Variants in IGF2BP2 observed in about 807,000 individuals in gnomAD.
IGF2BP2 encodes insulin like growth factor 2 mRNA binding protein 2, also known as insulin-like growth factor 2 mRNA-binding protein 2.
IGF2BP2 carries 17 observed loss-of-function variants against 75.8 expected under a neutral mutation model. The observed-to-expected ratio is 0.22, with a 90% CI of 0.15 to 0.34. IGF2BP2 has a LOEUF of 0.34. Ranked by LOEUF, IGF2BP2 falls within the 10% of genes least tolerant of loss-of-function variation. The pLI is 1.00. For missense variants in IGF2BP2, 516 were observed against 772.4 expected, an observed-to-expected ratio of 0.67 and a Z score of 3.93; for synonymous variants, 288 against 295.6, an observed-to-expected ratio of 0.97 and a Z score of 0.26.
chr3:185,649,261 G>T, intron 14 of IGF2BP2, 142 bp downstream of exon 14: 1 of 1,120,910 alleles, frequency 8.9e-7, no homozygotes, highest in Non-Finnish European at 1.3e-6. Flanking sequence ...GGGCTCAGAT[G>T]CCAGGAGAGC....
At chr3:185,649,336 G>C (rs77247478) in intron 14 of IGF2BP2, 67 bp downstream of exon 14, 16 of 1,584,278 alleles carry the variant, frequency 1.0e-5, no homozygotes, top group Non-Finnish European at 1.1e-5. Flanking sequence ...GGAGACTGAG[G>C]GAACTCAGGC....
intron 10 of IGF2BP2, among the ~76,000 whole-genome samples, chr3:185,671,598 T>C (rs1401107613): frequency 6.6e-6 from 1 of 151,324 alleles, no homozygotes; most frequent in African/African-American, 2.4e-5. Context: ...TAAGCAAGAA[T>C]GCAGAATGTG....
intron 2 of IGF2BP2, among the ~76,000 whole-genome samples, chr3:185,815,876 T>A (rs1740535698): frequency 6.6e-6 from 1 of 152,210 alleles, no homozygotes. Context: ...TTATTTAGCA[T>A]ATTTTTTTGT....
intron 10 of IGF2BP2, among the ~76,000 whole-genome samples, chr3:185,671,535 C>CA (rs397706922): frequency 0.37 from 32,437 of 88,198 alleles, 4,463 homozygotes; most frequent in South Asian, 0.47. Context: ...GACTCCATCT[C>CA]AAAAAAAAAA....
chr3:185,794,031 C>T (rs7625285), intron 2 of IGF2BP2, among the ~76,000 whole-genome samples: 334 of 149,808 alleles, frequency 2.2e-3, no homozygotes, highest in African/African-American at 7.9e-3. Context: ...CAAACAAACT[C>T]ACTGCAGTCT....
At chr3:185,717,685 G>A (rs933034597) in intron 2 of IGF2BP2, 5 of 152,234 alleles carry the variant, frequency 3.3e-5, no homozygotes, top group East Asian at 1.9e-4. Context: ...GCTTTGAAAC[G>A]ATACAAAATT....
chr3:185,800,378 T>C (rs1485180489), intron 2 of IGF2BP2, among the ~76,000 whole-genome samples: 1 of 152,062 alleles, frequency 6.6e-6, no homozygotes, highest in Non-Finnish European at 1.5e-5. Flanking sequence ...TGTATACCCA[T>C]GTAACAAACC....
rs140012570 is a variant in IGF2BP2 at position 185,762,255 on chromosome 3, C to T, written c.239+60898G>A. On this transcript the variant is annotated intron_variant, in intron 2 of 15. Coordinates refer to ENST00000382199, the MANE Select transcript of IGF2BP2 (RefSeq NM_006548.6). ...GAAAAATACAAAAATTAGCCAGGCA[C>T]GGTGGCTCACACCTGTAATCCTAGC... is the stretch of plus-strand genomic sequence containing the variant. Among the ~76,000 whole-genome samples the T allele has an allele frequency of 1.4e-3, 214 of 150,980 alleles. 1 individual carries two copies. The highest frequency in any genetic ancestry group is 2.3e-3 in the Non-Finnish European group (156 of 67,812).
At chr3:185,810,602 C>A (rs1310012270) in intron 2 of IGF2BP2, among the ~76,000 whole-genome samples, 1 of 152,024 alleles carries the variant, frequency 6.6e-6, no homozygotes, top group Admixed American at 6.6e-5. Context: ...GGCGAAACCC[C>A]ATCTCTACTA....
chr3:185,753,797 C>T (rs1007376692), intron 2 of IGF2BP2, among the ~76,000 whole-genome samples: 4 of 152,060 alleles, frequency 2.6e-5, no homozygotes, highest in Non-Finnish European at 5.9e-5. Flanking sequence ...GGAGGTGGGG[C>T]CTGGTGGGAG....
At chr3:185,795,759 G>C (rs567627448) in intron 2 of IGF2BP2, among the ~76,000 whole-genome samples, 31 of 152,152 alleles carry the variant, frequency 2.0e-4, no homozygotes, top group African/African-American at 7.2e-4. Context: ...CGCAGTCCCA[G>C]CCTGTAGTCC....
intron 2 of IGF2BP2, among the ~76,000 whole-genome samples, chr3:185,739,110 T>C (rs1027132174): frequency 6.6e-6 from 1 of 152,240 alleles, no homozygotes; most frequent in Non-Finnish European, 1.5e-5. Context: ...TGGTGGCATA[T>C]ATAAATATCC....
chr3:185,726,162 T>C (rs938295297), intron 2 of IGF2BP2, among the ~76,000 whole-genome samples: 1 of 152,062 alleles, frequency 6.6e-6, no homozygotes, highest in Non-Finnish European at 1.5e-5. Flanking sequence ...AAAGGTGCGA[T>C]CATCATTAGT....
At chr3:185,712,710 AT>A (rs1724985937) in intron 2 of IGF2BP2, 1 of 151,800 alleles carries the variant, frequency 6.6e-6, no homozygotes, top group Admixed American at 6.6e-5. Context: ...TAGGCTACAA[AT>A]AGATGCTGAA....
chr3:185,744,633 C>T (rs958257223), intron 2 of IGF2BP2, among the ~76,000 whole-genome samples: 10 of 152,068 alleles, frequency 6.6e-5, no homozygotes, highest in Admixed American at 3.9e-4. Context: ...CATGGTGAAA[C>T]CCCATCTCTA....
chr3:185,647,040 G>A lies in IGF2BP2; in HGVS notation c.1692C>T (p.His564=). The A allele has an allele frequency of 6.2e-7, 1 of 1,613,552 alleles. No homozygotes were observed. The highest frequency in any genetic ancestry group is 1.1e-5 in the South Asian group (1 of 91,070). The change falls in exon 15 of 16, where the codon CAC becomes CAT. Residue 564 remains histidine, a synonymous_variant. Coordinates refer to ENST00000382199, the MANE Select transcript of IGF2BP2 (RefSeq NM_006548.6). This position sits in a 1 kb window ranked among gnomAD's most constrained non-coding sequence, Gnocchi z 4.9. ...NEEVIVRIIG[H]FFASQTAQRK... ...AGCACAGTACCTGGCTAGCAAAGAA[G>A]TGCCCGATAATTCTGACGATCACTT...
intron 2 of IGF2BP2, among the ~76,000 whole-genome samples, chr3:185,774,122 G>A (rs747594583): frequency 9.9e-5 from 15 of 152,086 alleles, no homozygotes; most frequent in Non-Finnish European, 1.6e-4. Context: ...TTTCTGGAAG[G>A]GCAAATAATT....
intron 7 of IGF2BP2, among the ~76,000 whole-genome samples, 191 bp from the exon 8 acceptor site, chr3:185,676,104 G>A (rs1375180783): frequency 6.6e-6 from 1 of 152,094 alleles, no homozygotes; most frequent in Non-Finnish European, 1.5e-5. Flanking sequence ...GCCAAACCAT[G>A]GTAATTCTAC....
intron 10 of IGF2BP2, among the ~76,000 whole-genome samples, chr3:185,666,348 C>T (rs942896162): frequency 4.6e-5 from 7 of 152,122 alleles, no homozygotes; most frequent in African/African-American, 1.7e-4. Flanking sequence ...AGAACACAAG[C>T]TTAGGCCGGG....
Sources: gnomAD v4.1 joint callset for allele counts (sites outside exome capture counted in the v4.1 genomes callset) on GRCh38, gnomAD v4.1.1 for gene constraint, Gnocchi (gnomAD v3.1) non-coding constraint, MANE v1.5 for transcripts, NCBI Gene and HGNC (gene_info 2026-07-23, HGNC 2026-07-21) for gene names.